CYYR1: variants seen among roughly 807,000 people sequenced by gnomAD.
CYYR1 encodes cysteine and tyrosine-rich protein 1.
A neutral mutation model predicts 15.2 loss-of-function variants in CYYR1; 14 were observed. That is an observed-to-expected ratio of 0.92 (90% CI 0.61 to 1.44). The LOEUF is 1.44. Among genes scored for constraint, CYYR1 ranks in the 40% most tolerant of loss-of-function variants. The pLI is 0.00. For missense variants in CYYR1, 228 were observed against 209.5 expected, an observed-to-expected ratio of 1.09 and a Z score of -0.54; for synonymous variants, 80 against 77.4, an observed-to-expected ratio of 1.03 and a Z score of -0.18.
At chr21:26,512,343 C>A (rs144983544) in intron 2 of CYYR1, among the ~76,000 whole-genome samples, 17 of 152,006 alleles carry the variant, frequency 1.1e-4, no homozygotes, top group African/African-American at 4.1e-4. Flanking sequence ...GGATTACAGG[C>A]GCATGCCACC....
intron 1 of CYYR1, chr21:26,568,151 A>G (rs1980771348): frequency 6.6e-6 from 1 of 152,242 alleles, no homozygotes; most frequent in Admixed American, 6.5e-5. Flanking sequence ...GCAGAGTACA[A>G]CAGACTTTTA....
At chr21:26,541,440 G>A (rs1355654068) in intron 2 of CYYR1, among the ~76,000 whole-genome samples, 1 of 152,152 alleles carries the variant, frequency 6.6e-6, no homozygotes, top group African/African-American at 2.4e-5. Context: ...AATGAGGCTG[G>A]AATATGGTGT....
chr21:26,477,727 C>T (rs898731546), intron 3 of CYYR1: 3 of 984,318 alleles, frequency 3.0e-6, no homozygotes, highest in Non-Finnish European at 3.6e-6. Flanking sequence ...ATCTGCAAAG[C>T]AATTCTTCAT....
rs1246057173 is a variant in CYYR1, at chr21:26,545,717, C to CT, written c.176+20548dup. ...ACCTCAGCCTCCCCAGTAGCTGGGA[C>CT]TACAGGCGCCTGCCACCACGCCCGG... On this transcript the variant is annotated intron_variant, in intron 2 of 3. Coordinates refer to ENST00000652641, the MANE Select transcript of CYYR1 (RefSeq NM_001320768.2). Among the ~76,000 whole-genome samples, 3 of 151,782 alleles carry CT rather than the reference C, an allele frequency of 2.0e-5. No homozygotes were observed. In the East Asian group the frequency reaches 5.8e-4, roughly 29 times the overall value.
rs1361881960 is a variant in CYYR1, at chr21:26,468,293, C to T, written c.*208G>A. 1.7e-5 allele frequency: 10 copies of T among 583,982 alleles called. No homozygotes were observed. The highest frequency in any genetic ancestry group is 1.5e-4 in the South Asian group (8 of 51,900). The allele number at this position is 583,982 out of a possible 1,614,324, so 36.2% of individuals were successfully genotyped here. ...TCAGCAGATCTCTTAAAATGTGGTT[C>T]CATAGAACCAAACATTAATACTCCA... On this transcript the variant is annotated 3_prime_UTR_variant, in exon 4 of 4. Coordinates refer to ENST00000652641, the MANE Select transcript of CYYR1 (RefSeq NM_001320768.2).
chr21:26,571,274 A>C (rs1026578293), intron 1 of CYYR1, among the ~76,000 whole-genome samples: 1 of 152,238 alleles, frequency 6.6e-6, no homozygotes, highest in African/African-American at 2.4e-5. Flanking sequence ...TTAGCTAAAC[A>C]CTTCTTAGCA....
chr21:26,500,383 G>C (rs1272241603), intron 2 of CYYR1, among the ~76,000 whole-genome samples: 1 of 152,178 alleles, frequency 6.6e-6, no homozygotes, highest in East Asian at 1.9e-4. Context: ...TCTAGGTCCT[G>C]AGAGTACCAC....
At chr21:26,518,546 T>C (rs2065763635) in intron 2 of CYYR1, 1 of 152,600 alleles carries the variant, frequency 6.6e-6, no homozygotes, top group African/African-American at 2.4e-5. Context: ...CTCTTGGACT[T>C]CCCAGCTTCC....
chr21:26,518,853 T>A (rs527680097), intron 2 of CYYR1, among the ~76,000 whole-genome samples: 23 of 152,272 alleles, frequency 1.5e-4, no homozygotes, highest in African/African-American at 5.5e-4. Flanking sequence ...GGTATCACAA[T>A]GAGTTCTGAA....
intron 2 of CYYR1, among the ~76,000 whole-genome samples, chr21:26,500,875 TGAG>T (rs1353984806): frequency 1.3e-5 from 2 of 152,172 alleles, no homozygotes; most frequent in African/African-American, 2.4e-5. Context: ...ATAGAAGACT[TGAG>T]GACTCAGCCA....
intron 2 of CYYR1, among the ~76,000 whole-genome samples, chr21:26,510,226 A>G (rs923831925): frequency 1.3e-5 from 2 of 152,228 alleles, no homozygotes; most frequent in African/African-American, 4.8e-5. Context: ...ATAATGCAGT[A>G]TGGAGCATAG....
chr21:26,500,778 T>C (rs1343202660), intron 2 of CYYR1, among the ~76,000 whole-genome samples: 1 of 152,104 alleles, frequency 6.6e-6, no homozygotes, highest in Non-Finnish European at 1.5e-5. Context: ...AGCTGGAAGA[T>C]GGGGATAAGC....
intron 2 of CYYR1, among the ~76,000 whole-genome samples, chr21:26,483,701 G>A (rs2065214397): frequency 6.6e-6 from 1 of 152,102 alleles, no homozygotes; most frequent in South Asian, 2.1e-4. Flanking sequence ...TTTGTCGGCT[G>A]TCTTTTGGGT....
At chr21:26,532,180 T>C (rs1406939496) in intron 2 of CYYR1, among the ~76,000 whole-genome samples, 1 of 152,182 alleles carries the variant, frequency 6.6e-6, no homozygotes, top group Non-Finnish European at 1.5e-5. Context: ...GAGGCTCTAG[T>C]TCATTCACTG....
chr21:26,502,475 A>C (rs945109701), intron 2 of CYYR1, among the ~76,000 whole-genome samples: 1 of 152,182 alleles, frequency 6.6e-6, no homozygotes, highest in Non-Finnish European at 1.5e-5. Flanking sequence ...AGAATAAGTC[A>C]CTTATGAAGT....
intron 2 of CYYR1, among the ~76,000 whole-genome samples, chr21:26,501,065 C>T (rs750248518): frequency 1.3e-5 from 2 of 152,142 alleles, no homozygotes; most frequent in Admixed American, 6.5e-5. Context: ...TAAGGCCGGG[C>T]GCAGTGACTT....
At chr21:26,567,956 G>A (rs945833922) in intron 1 of CYYR1, 1 of 152,164 alleles carries the variant, frequency 6.6e-6, no homozygotes. Flanking sequence ...TTACATTACA[G>A]ATTGTCAAAC....
At chr21:26,483,097 A>G (rs2065204750) in intron 2 of CYYR1, among the ~76,000 whole-genome samples, 1 of 152,012 alleles carries the variant, frequency 6.6e-6, no homozygotes, top group South Asian at 2.1e-4. Context: ...TTAAAAAACT[A>G]CTGTCTGGAG....
intron 2 of CYYR1, among the ~76,000 whole-genome samples, chr21:26,527,719 C>T (rs1364014566): frequency 2.0e-5 from 3 of 152,126 alleles, no homozygotes; most frequent in African/African-American, 7.2e-5. Flanking sequence ...AAGAGTACTG[C>T]TGCCAAATTC....
Sources: gnomAD v4.1 joint callset for allele counts (sites outside exome capture counted in the v4.1 genomes callset) on GRCh38, gnomAD v4.1.1 for gene constraint, MANE v1.5 for transcripts, NCBI Gene and HGNC (gene_info 2026-07-23, HGNC 2026-07-21) for gene names.